The following PERM1 variants were observed in gnomAD, a reference collection of about 807,000 sequenced individuals.
PERM1 encodes the protein PGC-1 and ERR-induced regulator in muscle protein 1.
A neutral mutation model predicts 44.1 loss-of-function variants in PERM1; 45 were observed. The ratio of observed to expected loss-of-function variants is 1.02; its 90% CI spans 0.80 to 1.31. The LOEUF (loss-of-function observed/expected upper bound fraction) is 1.31. Among genes scored for constraint, PERM1 ranks in the 50% most tolerant of loss-of-function variants. The pLI is 0.00. For synonymous variants in PERM1, 565 were observed against 477.1 expected, an observed-to-expected ratio of 1.18 and a Z score of -2.40; for missense variants, 1,189 against 1,106.9, an observed-to-expected ratio of 1.07 and a Z score of -1.05.
chr1:980,388 A>T (rs568513607), exon 1 of PERM1: 2 of 1,550,044 alleles, frequency 1.3e-6, no homozygotes, highest in South Asian at 2.4e-5. Flanking sequence ...TTGCCGTCTC[A>T]GGACTGGCCG....
At chr1:978,834 G>A in intron 1 of PERM1, 47 bp downstream of exon 2, 1 of 1,425,654 alleles carries the variant, frequency 7.0e-7, no homozygotes, top group Non-Finnish European at 9.3e-7. Context: ...TCCCTGGACA[G>A]TGTGTGCCTG....
exon 3 of PERM1, chr1:976,058 TG>T: frequency 9.3e-7 from 1 of 1,075,012 alleles, no homozygotes; most frequent in Non-Finnish European, 1.3e-6. Context: ...GCCCCCCTCC[TG>T]GACGCGGTAG....
intron 1 of PERM1, among the ~76,000 whole-genome samples, chr1:978,366 T>TTGCCCCGGGAACCGCC (rs1336237886): frequency 4.3e-5 from 6 of 138,366 alleles, no homozygotes; most frequent in African/African-American, 1.4e-4. Context: ...TGAGAACTGG[T>TTGCCCCGGGAACCGCC]TGCCCCGGGA....
exon 3 of PERM1, chr1:975,721 C>T (rs3748588): frequency 0.05 from 8,088 of 162,150 alleles, 434 homozygotes; most frequent in East Asian, 0.14. Flanking sequence ...GAGCTCCAGC[C>T]GGAGTGTCTT....
exon 1 of PERM1, chr1:979,284 C>G (rs1358503607): frequency 1.7e-5 from 27 of 1,548,480 alleles, no homozygotes; most frequent in Non-Finnish European, 2.1e-5. Flanking sequence ...ACTCGTAGGC[C>G]TCCGGGAGGG....
chr1:981,960 A>T, upstream of PERM1: 1 of 978,004 alleles, frequency 1.0e-6, no homozygotes, highest in Non-Finnish European at 1.4e-6. Context: ...GTGGCTTCCC[A>T]CCCACTGACC....
At chr1:976,403 G>C in intron 2 of PERM1, 96 bp downstream of exon 3, 1 of 1,533,724 alleles carries the variant, frequency 6.5e-7, no homozygotes, top group Non-Finnish European at 8.8e-7. Flanking sequence ...GAGCAGGTCA[G>C]GGGTGAGCCC....
chr1:979,863 G>A, exon 1 of PERM1: 5 of 1,549,042 alleles, frequency 3.2e-6, no homozygotes, highest in Middle Eastern at 1.7e-4. Flanking sequence ...GCTTGGAGAT[G>A]GGTGTAGACA....
exon 1 of PERM1, chr1:979,111 G>C (rs1405955920): frequency 6.5e-7 from 1 of 1,549,742 alleles, no homozygotes; most frequent in Non-Finnish European, 8.7e-7. Context: ...CACAGGATCA[G>C]CTCTCGGGAG....
At position 980,500 on chromosome 1, in the gene PERM1, G is replaced by A. The variant is rs779147119; in HGVS notation, c.530C>T (p.Pro177Leu). Residue 177 changes from proline (P) to leucine (L), a missense_variant, in exon 1 of 3, where the codon CCA becomes CTA. Pro to Leu is a moderately conservative substitution (Grantham distance 98). Transcript: ENST00000433179. ...CCTCTTCTTTCGGCTGGGGCTCCGTGGTGGGGCTCCAGGGCTATCGGGGGG... is the reference window on the plus strand; with the variant it reads ...CCTCTTCTTTCGGCTGGGGCTCCGTAGTGGGGCTCCAGGGCTATCGGGGGG... 18 of 1,500,096 alleles carry A rather than the reference G, an allele frequency of 1.2e-5. No individual in the cohort carries two copies. In the East Asian group the frequency reaches 3.5e-4, roughly 29 times the overall value. 92.9% of individuals were successfully genotyped at this position (1,500,096 alleles called of 1,614,324 possible). A position where few individuals can be genotyped will look rare whatever the true frequency, so the allele number is the denominator to read the frequency against.
At chr1:975,855 C>T (rs1238646172) in exon 3 of PERM1, 15 of 341,650 alleles carry the variant, frequency 4.4e-5, no homozygotes, top group South Asian at 5.8e-5. Context: ...AGTAAAATGA[C>T]CTCCCCACTA....
chr1:976,025 C>T (rs1643588188), exon 3 of PERM1: 11 of 769,220 alleles, frequency 1.4e-5, no homozygotes, highest in Admixed American at 9.7e-5. Context: ...TCAGGTGAGT[C>T]GGAGGGAGCA....
In PERM1 at chr1:976,302, A is replaced by G; in HGVS notation, c.2276-33T>C. 3 of 1,473,538 alleles carry G rather than the reference A, an allele frequency of 2.0e-6. 1 individual carries two copies. The highest frequency in any genetic ancestry group is 2.7e-6 in the Non-Finnish European group (3 of 1,110,358). The allele number at this position is 1,473,538 out of a possible 1,614,324, so 91.3% of individuals were successfully genotyped here. The stretch of plus-strand genomic sequence containing the variant: ...AGAAGCACAGGCTCTTCTGAGGGCC[A>G]GCCTGGCTGTCGGCACCGTCTGCCC... On this transcript the variant is annotated intron_variant, in intron 2 of 2. Coordinates refer to ENST00000433179, the Ensembl canonical transcript of PERM1.
upstream of PERM1, chr1:981,247 T>C: frequency 6.8e-7 from 1 of 1,466,804 alleles, no homozygotes; most frequent in Non-Finnish European, 9.2e-7. Flanking sequence ...ATTTCCAAGT[T>C]AGAAGATCCC....
exon 1 of PERM1, chr1:980,057 C>G (rs1438345765): frequency 6.5e-7 from 1 of 1,549,534 alleles, no homozygotes; most frequent in Non-Finnish European, 8.7e-7. Context: ...ATGTCCCTGT[C>G]AGATTGCGGC....
At chr1:976,328 G>T in intron 2 of PERM1, 59 bp from the exon 4 acceptor site, 3 of 1,466,258 alleles carry the variant, frequency 2.0e-6, no homozygotes, top group Non-Finnish European at 2.7e-6. Context: ...CCGTCTGCCC[G>T]CAAGACCCAG....
exon 1 of PERM1, chr1:980,586 C>G: frequency 6.9e-7 from 1 of 1,454,310 alleles, no homozygotes; most frequent in Non-Finnish European, 9.1e-7. Context: ...CACCAGGGGG[C>G]CGTGGGGCAG....
At chr1:980,171 C>T (rs1300084746) in exon 1 of PERM1, 1 of 1,550,314 alleles carries the variant, frequency 6.5e-7, no homozygotes, top group Non-Finnish European at 8.7e-7. Context: ...TCTGGGAGGG[C>T]TTCCCAGACA....
At chr1:980,666 G>A (rs1570077145) in exon 1 of PERM1, 2 of 1,430,938 alleles carry the variant, frequency 1.4e-6, no homozygotes, top group Non-Finnish European at 1.8e-6. Context: ...AACTGGCTGG[G>A]AGGGCTGGCG....
Sources: allele counts gnomAD v4.1 joint callset (sites outside exome capture counted in the v4.1 genomes callset), GRCh38; gene constraint gnomAD v4.1.1; transcripts MANE v1.5; gene names NCBI Gene and HGNC (gene_info 2026-07-23, HGNC 2026-07-21).